PRDM16: variants seen among roughly 807,000 people sequenced by gnomAD.
The protein encoded by PRDM16 is PR/SET domain 16.
In PRDM16, 23 loss-of-function variants were observed where a neutral mutation model predicts 110.6. The ratio of observed to expected loss-of-function variants is 0.21; its 90% CI spans 0.15 to 0.29. The LOEUF is 0.29. Ranked by LOEUF, PRDM16 falls within the 10% of genes least tolerant of loss-of-function variation. The pLI is 1.00. For missense variants in PRDM16, 1,615 were observed against 1,794.3 expected (o/e 0.90, Z 1.81); for synonymous variants, 799 against 781.8 (o/e 1.02, Z -0.37).
rs2100718807 is a variant in PRDM16, at chr1:3,148,598, C to A, written c.38-37527C>A. On this transcript the variant is annotated intron_variant, in intron 1 of 16. Transcript: ENST00000270722. The surrounding 1 kb of genome is among the most constrained non-coding windows in gnomAD (Gnocchi z 5.0). Reference sequence around the variant, plus strand: ...GGAGATGTCAACTCCTTGCTGGGACCTCCTTGACGCTCACGGGGCTCAGAT... The same window carrying A: ...GGAGATGTCAACTCCTTGCTGGGACATCCTTGACGCTCACGGGGCTCAGAT... Among the ~76,000 whole-genome samples, 1 of 152,316 alleles carries A rather than the reference C, an allele frequency of 6.6e-6. No homozygotes were observed. The highest frequency in any genetic ancestry group is 2.4e-5 in the African/African-American group (1 of 41,570).
chr1:3,210,639 G>A (rs368969610), intron 2 of PRDM16, among the ~76,000 whole-genome samples: 7 of 152,344 alleles, frequency 4.6e-5, no homozygotes, highest in Non-Finnish European at 1.5e-5. Flanking sequence ...AGAATCTGTG[G>A]CTGAACTTAT....
At position 3,411,675 on chromosome 1, in the gene PRDM16, C is replaced by A; in HGVS notation, c.1478C>A (p.Pro493Gln). The stretch of plus-strand genomic sequence containing the variant: ...TTCAACGAGTACTTTCCCTCCAGGC[C>A]GCACCCGGGGAGCCTGCCCTTCTCC... ...LGFNEYFPSR[P>Q]HPGSLPFSTA... The change falls in exon 9 of 17, where the codon CCG (proline) becomes CAG (glutamine). Residue 493 changes from proline to glutamine, a missense_variant. Pro to Gln is a moderately conservative substitution (Grantham distance 76). This residue lies in a region of PRDM16 where 772 missense variants were observed against 748.3 expected (regional missense o/e 1.03). Transcript: ENST00000270722. 6.2e-7 allele frequency: 1 copy of A among 1,611,908 alleles called. No homozygotes were observed. Among genetic ancestry groups the A allele is most frequent in the Non-Finnish European group, 8.5e-7 (1 of 1,178,598 alleles).
At chr1:3,134,360 T>C (rs1305381125) in intron 1 of PRDM16, among the ~76,000 whole-genome samples, 1 of 152,224 alleles carries the variant, frequency 6.6e-6, no homozygotes, top group African/African-American at 2.4e-5. Flanking sequence ...GGACGGACAG[T>C]TGGGCAGCAG....
At chr1:3,430,822 G>A (rs1638743417) in intron 14 of PRDM16, 50 bp from the exon 15 acceptor site, 1 of 1,598,654 alleles carries the variant, frequency 6.3e-7, no homozygotes, top group South Asian at 1.1e-5. Context: ...GGGTCCATGG[G>A]AAGGACAGAG....
intron 3 of PRDM16, among the ~76,000 whole-genome samples, chr1:3,344,736 C>T (rs761704593): frequency 6.6e-6 from 1 of 152,190 alleles, no homozygotes; most frequent in Non-Finnish European, 1.5e-5. Context: ...AAGTGTGGCT[C>T]TACACTTTAT....
At chr1:3,170,657 T>C (rs1644015242) in intron 1 of PRDM16, among the ~76,000 whole-genome samples, 1 of 152,016 alleles carries the variant, frequency 6.6e-6, no homozygotes, top group South Asian at 2.1e-4. Flanking sequence ...GCCAGGGCAG[T>C]GAGCCAGCCC....
At chr1:3,094,526 C>T (rs1570240018) in intron 1 of PRDM16, among the ~76,000 whole-genome samples, 1 of 152,312 alleles carries the variant, frequency 6.6e-6, no homozygotes, top group East Asian at 1.9e-4. Flanking sequence ...GACATGGCTG[C>T]CCTTCTAAGC....
intron 3 of PRDM16, among the ~76,000 whole-genome samples, chr1:3,323,520 G>A (rs1181628657): frequency 6.6e-6 from 1 of 152,232 alleles, no homozygotes; most frequent in East Asian, 1.9e-4. Flanking sequence ...AGGGAGGCCG[G>A]GGAGACAGCG....
chr1:3,132,376 T>TGGTCAGAGCACTACCTTGGGCCC (rs1643352651), intron 1 of PRDM16, among the ~76,000 whole-genome samples: 1 of 152,202 alleles, frequency 6.6e-6, no homozygotes, highest in African/African-American at 2.4e-5. Context: ...GACCTGGGCC[T>TGGTCAGAGCACTACCTTGGGCCC]GGTCAGAGCA....
intron 1 of PRDM16, among the ~76,000 whole-genome samples, chr1:3,088,358 C>A (rs1026682553): frequency 2.6e-5 from 4 of 152,174 alleles, no homozygotes; most frequent in African/African-American, 9.7e-5. Flanking sequence ...GGAGCTGGGG[C>A]TCAAGTCACT....
At chr1:3,276,969 C>A (rs917870385) in intron 3 of PRDM16, among the ~76,000 whole-genome samples, 2 of 152,104 alleles carry the variant, frequency 1.3e-5, no homozygotes, top group East Asian at 1.9e-4. Context: ...CTCTCGTCCC[C>A]GTGGTGTTTG....
intron 2 of PRDM16, among the ~76,000 whole-genome samples, chr1:3,238,630 C>A (rs778073143): frequency 6.6e-6 from 1 of 152,242 alleles, no homozygotes; most frequent in Non-Finnish European, 1.5e-5. Context: ...CGACTAACCG[C>A]CTTTCACGGT....
chr1:3,182,446 C>G (rs1644222663), intron 1 of PRDM16, among the ~76,000 whole-genome samples: 1 of 152,200 alleles, frequency 6.6e-6, no homozygotes, highest in Admixed American at 6.5e-5. Context: ...CTCTCGCTCT[C>G]TCCAGACCCC....
rs575946388 is a variant in PRDM16 at position 3,291,142 on chromosome 1, C to T, written c.438+47005C>T. Among the ~76,000 whole-genome samples, 12 of 152,138 alleles carry T rather than the reference C, an allele frequency of 7.9e-5. No individual in the cohort carries two copies. In the East Asian group the frequency reaches 1.9e-3, roughly 25 times the overall value. ...GTGATACTTAGGTCATGAGGCAGGG[C>T]GTGGACCAGGACGATGCACAGCTGA... is the stretch of plus-strand genomic sequence containing the variant. On this transcript the variant is annotated intron_variant, in intron 3 of 16. Coordinates refer to ENST00000270722, the MANE Select transcript of PRDM16 (RefSeq NM_022114.4).
intron 1 of PRDM16, among the ~76,000 whole-genome samples, chr1:3,107,959 A>G (rs1232234563): frequency 6.6e-6 from 1 of 152,240 alleles, no homozygotes; most frequent in East Asian, 1.9e-4. Flanking sequence ...CTGAATTGTC[A>G]GGGAATAGCA....
rs569907015 is a variant in PRDM16, at chr1:3,385,343, G to A, written c.573+57G>A. On this transcript the variant is annotated intron_variant, in intron 4 of 16. Coordinates refer to ENST00000270722, the MANE Select transcript of PRDM16 (RefSeq NM_022114.4). ...CTCTTGGAATTGTCCCTGAGGATGT[G>A]GCACCAAGATTGGTGGAGGTGCCGA... 510 of 1,590,776 alleles carry A rather than the reference G, an allele frequency of 3.2e-4. 2 individuals are homozygous for A. The highest frequency in any genetic ancestry group is 3.0e-3 in the Middle Eastern group (18 of 6,008).
At chr1:3,226,899 G>C (rs1406354931) in intron 2 of PRDM16, among the ~76,000 whole-genome samples, 2 of 152,204 alleles carry the variant, frequency 1.3e-5, no homozygotes, top group Admixed American at 6.5e-5. Context: ...TTCTCTTTAA[G>C]ACCAAGACAG....
rs562236180 is a variant in PRDM16 at position 3,143,167 on chromosome 1, G to A, written c.38-42958G>A. ...CTTGTGGCAACCGCAGTGCTGGGCC[G>A]GGGGGAGTCGCTGGTTTGCAGCCCC... On this transcript the variant is annotated intron_variant, in intron 1 of 16. Transcript: ENST00000270722. This position sits in a 1 kb window ranked among gnomAD's most constrained non-coding sequence, Gnocchi z 4.5. Among the ~76,000 whole-genome samples the A allele has an allele frequency of 5.8e-4, 88 of 152,268 alleles. No homozygotes were observed. Among genetic ancestry groups the A allele is most frequent in the Admixed American group, 2.3e-3 (35 of 15,302 alleles).
chr1:3,228,028 C>G (rs76420309), intron 2 of PRDM16, among the ~76,000 whole-genome samples: 5 of 152,208 alleles, frequency 3.3e-5, no homozygotes, highest in Non-Finnish European at 5.9e-5. Flanking sequence ...AATGTTGTTC[C>G]GCTCCGGGAA....
Sources: allele counts gnomAD v4.1 joint callset (sites outside exome capture counted in the v4.1 genomes callset), GRCh38; gene constraint gnomAD v4.1.1; regional missense constraint gnomAD v4.1.1; non-coding constraint Gnocchi (gnomAD v3.1); transcripts MANE v1.5; gene names NCBI Gene and HGNC (gene_info 2026-07-23, HGNC 2026-07-21).